The following GFPT1 variants were observed in gnomAD, a reference collection of about 807,000 sequenced individuals.
The protein encoded by GFPT1 is glutamine--fructose-6-phosphate transaminase 1.
In GFPT1, 40 loss-of-function variants were observed where a neutral mutation model predicts 92.0. The observed-to-expected ratio is 0.43, with a 90% CI of 0.34 to 0.57. The LOEUF (loss-of-function observed/expected upper bound fraction) is 0.57, where lower values mean the gene tolerates loss of function less well. Ranked by LOEUF, GFPT1 falls within the 20% of genes least tolerant of loss-of-function variation. The probability of loss-of-function intolerance (pLI) is 0.02; values close to 1 mark genes in which losing one functional copy is unlikely to be tolerated. For synonymous variants in GFPT1, 269 were observed against 280.6 expected (o/e 0.96, Z 0.41); for missense variants, 448 against 869.1 (o/e 0.52, Z 6.09).
intron 3 of GFPT1, among the ~76,000 whole-genome samples, chr2:69,365,542 T>A (rs983627051): frequency 1.8e-4 from 27 of 152,234 alleles, no homozygotes; most frequent in African/African-American, 6.3e-4. Flanking sequence ...ATTTATATGT[T>A]GTCAACCTAG....
rs1473032783 is a variant in GFPT1 at position 69,321,458 on chromosome 2, TC to T, written c.*4730del. The T allele has an allele frequency of 5.3e-5, 8 of 152,360 alleles. No homozygotes were observed. The highest frequency in any genetic ancestry group is 1.9e-4 in the African/African-American group (8 of 41,576). 9.4% of individuals were successfully genotyped at this position (152,360 alleles called of 1,614,324 possible). A position where few individuals can be genotyped will look rare whatever the true frequency, so the allele number is the denominator to read the frequency against. On this transcript the variant is annotated 3_prime_UTR_variant, in exon 20 of 20. Coordinates refer to ENST00000357308, the MANE Select transcript of GFPT1 (RefSeq NM_001244710.2). ...ATTACATTCTTAGTACAATACAATT[TC>T]TAACATAACTACAAATGTGTATACA...
intron 15 of GFPT1, among the ~76,000 whole-genome samples, chr2:69,330,857 T>A (rs1670643566): frequency 6.6e-6 from 1 of 152,296 alleles, no homozygotes; most frequent in South Asian, 2.1e-4. Context: ...AGTTTTCATC[T>A]CTTTAGGCCT....
In GFPT1 at chr2:69,363,567, G is replaced by C; in HGVS notation, c.327C>G (p.Pro109=). The change falls in exon 4 of 20, where the codon CCC becomes CCG. Residue 109 remains proline (P), a synonymous_variant. Coordinates refer to ENST00000357308, the MANE Select transcript of GFPT1 (RefSeq NM_001244710.2). ...HGEPSPVNSH[P]QRSDKNNEFI... is the part of the protein sequence containing the mutation. ...TACCATTATTTTTATCAGAGCGCTG[G>C]GGGTGGCTATTGACAGGACTGGGTT... 1 of 1,614,056 alleles carries C rather than the reference G, an allele frequency of 6.2e-7. No individual in the cohort carries two copies. The highest frequency in any genetic ancestry group is 8.5e-7 in the Non-Finnish European group (1 of 1,179,944).
intron 8 of GFPT1, 28 bp from the exon 9 acceptor site, chr2:69,354,340 TA>T: frequency 6.4e-7 from 1 of 1,558,528 alleles, no homozygotes; most frequent in Admixed American, 1.7e-5. Flanking sequence ...AAAAAAATTC[TA>T]ATCATCAGAG....
intron 13 of GFPT1, among the ~76,000 whole-genome samples, chr2:69,339,816 T>C (rs1670894685): frequency 6.6e-6 from 1 of 152,174 alleles, no homozygotes; most frequent in South Asian, 2.1e-4. Context: ...TATTACAACA[T>C]CATGTAAAGA....
chr2:69,378,580 T>C (rs1315195117), intron 1 of GFPT1, among the ~76,000 whole-genome samples: 1 of 152,228 alleles, frequency 6.6e-6, no homozygotes, highest in Non-Finnish European at 1.5e-5. Context: ...AAAGCAATTA[T>C]GAGCACCTTG....
chr2:69,350,918 A>G lies in GFPT1; in HGVS notation c.740-735T>C, dbSNP rs188867882. 6.1e-3 allele frequency among the ~76,000 whole-genome samples: 935 copies of G among 152,116 alleles called. 10 individuals are homozygous for G. Among genetic ancestry groups the G allele is most frequent in the African/African-American group, 0.021 (892 of 41,522 alleles). ...AAAACTCTGTCTCAAAAAAAAAAAA[A>G]AAAGAAAAAGAAAATGAAGGCTAGT... is the stretch of plus-strand genomic sequence containing the variant. On this transcript the variant is annotated intron_variant, in intron 9 of 19. Transcript: ENST00000357308.
At chr2:69,377,659 C>CA (rs1178029999) in intron 1 of GFPT1, among the ~76,000 whole-genome samples, 14 of 151,916 alleles carry the variant, frequency 9.2e-5, no homozygotes, top group Middle Eastern at 3.4e-3. Flanking sequence ...GACTCCGTCT[C>CA]AAAAAAACAA....
chr2:69,371,440 T>C (rs1455117788), intron 2 of GFPT1: 3 of 152,058 alleles, frequency 2.0e-5, no homozygotes, highest in Non-Finnish European at 4.4e-5. Context: ...AAGAAACTTG[T>C]AGGAGGCCTA....
chr2:69,326,803 A>G, intron 19 of GFPT1, 111 bp downstream of exon 19: 1 of 1,012,784 alleles, frequency 9.9e-7, no homozygotes, highest in Non-Finnish European at 1.6e-6. Flanking sequence ...GGTGACAGAT[A>G]TATATTTGAT....
At chr2:69,361,447 C>CAAAA (rs558027010) in intron 4 of GFPT1, among the ~76,000 whole-genome samples, 3 of 87,952 alleles carry the variant, frequency 3.4e-5, no homozygotes, top group African/African-American at 9.1e-5. Flanking sequence ...GATTCCTTCT[C>CAAAA]AAAAAAAAAA....
chr2:69,379,040 T>G (rs1671944497), intron 1 of GFPT1, among the ~76,000 whole-genome samples: 1 of 151,780 alleles, frequency 6.6e-6, no homozygotes, highest in African/African-American at 2.4e-5. Context: ...AGCTCAGGAG[T>G]TCGAAACCAG....
At chr2:69,329,239 CTA>C (rs1670602732) in intron 17 of GFPT1, 56 bp downstream of exon 17, 5 of 1,523,342 alleles carry the variant, frequency 3.3e-6, no homozygotes, top group South Asian at 1.1e-5. Context: ...AAAAGTATGA[CTA>C]TGTGTCAGGT....
rs751623973 is a variant in GFPT1, at chr2:69,327,008, T to C, written c.1961A>G (p.Lys654Arg). Reference protein sequence around the residue: ...ETIKNTKRTIKVPHSVDCLQG... With the variant: ...ETIKNTKRTIRVPHSVDCLQG... ...CAAGCAGTCCACTGAGTGGGGCACC[T>C]TGATCGTTCTTTTTGTGTTCTTAAT... The change falls in exon 19 of 20, where the codon AAG (lysine) becomes AGG (arginine). Residue 654 changes from lysine to arginine, a missense_variant. By Grantham distance (26) the Lys-to-Arg change is conservative. This residue lies in a region of GFPT1 where 55 missense variants were observed against 98.8 expected (regional missense o/e 0.56). Transcript: ENST00000357308. 5.0e-6 allele frequency: 8 copies of C among 1,614,098 alleles called. No homozygotes were observed. Among genetic ancestry groups the C allele is most frequent in the East Asian group, 2.2e-5 (1 of 44,882 alleles).
intron 15 of GFPT1, among the ~76,000 whole-genome samples, chr2:69,332,980 G>A (rs1169989174): frequency 6.6e-6 from 1 of 152,004 alleles, no homozygotes; most frequent in Non-Finnish European, 1.5e-5. Context: ...CCAGCCTCCA[G>A]CTGCTCACAT....
In GFPT1 at chr2:69,325,749, C is replaced by T. The variant is rs1025900887; in HGVS notation, c.*440G>A. 6.5e-6 allele frequency: 1 copy of T among 153,310 alleles called. No homozygotes were observed. The highest frequency in any genetic ancestry group is 2.4e-5 in the African/African-American group (1 of 41,468). 9.5% of individuals were successfully genotyped at this position (153,310 alleles called of 1,614,324 possible). On this transcript the variant is annotated 3_prime_UTR_variant, in exon 20 of 20. Coordinates refer to ENST00000357308, the MANE Select transcript of GFPT1 (RefSeq NM_001244710.2). ...ATCTTCTCTTAAAACTTGGCAAACC[C>T]TTCCCTAACTGTCCAAGTATGAGCA...
intron 9 of GFPT1, among the ~76,000 whole-genome samples, chr2:69,352,133 T>C (rs546147617): frequency 6.6e-6 from 1 of 151,394 alleles, no homozygotes; most frequent in South Asian, 2.1e-4. Flanking sequence ...AGTGGTAGAG[T>C]ACACCTGTAG....
At chr2:69,363,775 T>C (rs1055955986) in intron 3 of GFPT1, 105 bp from the exon 4 acceptor site, 16 of 827,094 alleles carry the variant, frequency 1.9e-5, no homozygotes, top group Middle Eastern at 6.5e-4. Context: ...TCTTGGAATA[T>C]ACAATCACTG....
intron 5 of GFPT1, 150 bp from the exon 6 acceptor site, chr2:69,358,613 T>A: frequency 1.5e-6 from 1 of 655,384 alleles, no homozygotes; most frequent in Non-Finnish European, 2.7e-6. Context: ...CACCAGCTGA[T>A]CAGTGACTCT....
Sources: gnomAD v4.1 joint callset for allele counts (sites outside exome capture counted in the v4.1 genomes callset) on GRCh38, gnomAD v4.1.1 for gene constraint, gnomAD v4.1.1 regional missense constraint, MANE v1.5 for transcripts, NCBI Gene and HGNC (gene_info 2026-07-23, HGNC 2026-07-21) for gene names.